Variants in OGG1 observed in about 807,000 individuals in gnomAD.
The protein encoded by OGG1 is 8-oxoguanine DNA glycosylase.
In OGG1, 35 loss-of-function variants were observed where a neutral mutation model predicts 42.3. The observed-to-expected ratio is 0.83, with a 90% CI of 0.63 to 1.10. The LOEUF is 1.10. Among genes scored for constraint, OGG1 ranks in the 50% least tolerant of loss-of-function variants. The pLI is 0.00. For missense variants in OGG1, 484 were observed against 446.7 expected (o/e 1.08, Z -0.75); for synonymous variants, 189 against 179.0 (o/e 1.06, Z -0.44).
At chr3:9,787,425 T>C in intron 3 of OGG1, 1 of 1,508,702 alleles carries the variant, frequency 6.6e-7, no homozygotes, top group Non-Finnish European at 8.9e-7. Context: ...CTATCTTATA[T>C]CTCTCTCAAG....
At chr3:9,784,955 CCACTTGT>C (rs2078572465) in intron 3 of OGG1, among the ~76,000 whole-genome samples, 1 of 152,036 alleles carries the variant, frequency 6.6e-6, no homozygotes, top group South Asian at 2.1e-4. Context: ...AATATTTTCT[CCACTTGT>C]CACTCTATAA....
chr3:9,750,347 G>A lies in OGG1; in HGVS notation c.61G>A (p.Ala21Thr), dbSNP rs1262001121. ...MGHRTLASTP[A>T]LWASIPCPRS... ...GCATCGTACTCTAGCCTCCACTCCTGCCCTGTGGGCCTCCATCCCGTGCCC... is the reference window on the plus strand; with the variant it reads ...GCATCGTACTCTAGCCTCCACTCCTACCCTGTGGGCCTCCATCCCGTGCCC... The change falls in exon 1 of 7, where the codon GCC (alanine) becomes ACC (threonine). Residue 21 changes from alanine (A) to threonine (T), a missense_variant. By Grantham distance (58) the Ala-to-Thr change is moderately conservative (BLOSUM62 0). Coordinates refer to ENST00000344629, the MANE Select transcript of OGG1 (RefSeq NM_002542.6). 3 of 1,613,960 alleles carry A rather than the reference G, an allele frequency of 1.9e-6. No homozygotes were observed. Among genetic ancestry groups the A allele is most frequent in the Admixed American group, 1.7e-5 (1 of 60,026 alleles).
At chr3:9,762,598 C>G (rs1224889680) in intron 7 of OGG1, among the ~76,000 whole-genome samples, 1 of 152,054 alleles carries the variant, frequency 6.6e-6, no homozygotes, top group Non-Finnish European at 1.5e-5. Flanking sequence ...GAACTGACCT[C>G]AGGTGATCCA....
chr3:9,754,159 G>A (rs2077433077), intron 3 of OGG1, among the ~76,000 whole-genome samples: 1 of 152,142 alleles, frequency 6.6e-6, no homozygotes, highest in Non-Finnish European at 1.5e-5. Flanking sequence ...AAAAGCACAG[G>A]TCTTGGTGTC....
At chr3:9,756,181 G>C (rs1198358235) in intron 4 of OGG1, among the ~76,000 whole-genome samples, 1 of 152,202 alleles carries the variant, frequency 6.6e-6, no homozygotes, top group Non-Finnish European at 1.5e-5. Context: ...GCCACACGTG[G>C]TGGCACATGC....
chr3:9,770,783 G>A (rs1460015216), downstream of OGG1, among the ~76,000 whole-genome samples: 2 of 151,720 alleles, frequency 1.3e-5, no homozygotes, highest in East Asian at 1.9e-4. Context: ...ATTTGGTGCC[G>A]AGTGGAAAGA....
intron 3 of OGG1, among the ~76,000 whole-genome samples, chr3:9,784,823 C>A (rs2078567796): frequency 6.7e-6 from 1 of 149,624 alleles, no homozygotes; most frequent in African/African-American, 2.5e-5. Flanking sequence ...AAGATTGCGC[C>A]ATTGCGCTCC....
At chr3:9,757,422 G>T, downstream of OGG1, 2 of 1,609,006 alleles carry the variant, frequency 1.2e-6, no homozygotes, top group South Asian at 1.1e-5. This position sits in a 1 kb window ranked among gnomAD's most constrained non-coding sequence, Gnocchi z 4.5. Flanking sequence ...GTGAGGAGTG[G>T]TAGGGAAGCA....
At chr3:9,754,652 C>T (rs2077452498) in intron 3 of OGG1, 52 bp from the exon 4 acceptor site, 3 of 1,593,072 alleles carry the variant, frequency 1.9e-6, no homozygotes, top group African/African-American at 2.7e-5. Context: ...AGCCTAAGGA[C>T]AGGAAGAACT....
Position 9,754,749 on chromosome 3 carries a change from G to A in OGG1, c.611G>A (p.Arg204His), listed in dbSNP as rs1364272018. The A allele has an allele frequency of 7.4e-6, 12 of 1,614,188 alleles. No homozygotes were observed. Among genetic ancestry groups the A allele is most frequent in the South Asian group, 3.3e-5 (3 of 91,076 alleles). Residue 204 changes from arginine (R) to histidine (H), a missense_variant, in exon 4 of 7, where the codon CGT (arginine) becomes CAT (histidine). Physicochemically the swap from Arg to His is conservative, Grantham distance 29 (BLOSUM62 0). Transcript: ENST00000344629. ...AHLRKLGLGY[R>H]ARYVSASARA... The stretch of plus-strand genomic sequence containing the variant: ...CTCAGGAAGCTGGGCCTGGGCTATC[G>A]TGCCCGTTACGTGAGTGCCAGTGCC...
chr3:9,787,228 A>T, intron 3 of OGG1: 1 of 1,614,198 alleles, frequency 6.2e-7, no homozygotes, highest in Non-Finnish European at 8.5e-7. Flanking sequence ...CAGTGGCCCC[A>T]TGAGGCCTTT....
intron 3 of OGG1, chr3:9,781,717 G>T: frequency 2.4e-6 from 1 of 417,070 alleles, no homozygotes; most frequent in Non-Finnish European, 5.0e-6. Context: ...TCCAGAAGGG[G>T]AAGGAGATGC....
chr3:9,768,286 A>G (rs1023299092), downstream of OGG1, among the ~76,000 whole-genome samples: 5 of 152,106 alleles, frequency 3.3e-5, no homozygotes, highest in Non-Finnish European at 7.4e-5. Flanking sequence ...TCTCAGCCAC[A>G]TTTTTAAATA....
chr3:9,767,246 A>G (rs1575264289), downstream of OGG1, among the ~76,000 whole-genome samples: 1 of 152,254 alleles, frequency 6.6e-6, no homozygotes, highest in Middle Eastern at 3.4e-3. Context: ...GGAGCACAGC[A>G]CACACCCTGT....
At chr3:9,780,288 C>T in intron 2 of OGG1, 5 of 1,502,468 alleles carry the variant, frequency 3.3e-6, no homozygotes, top group Non-Finnish European at 4.5e-6. Context: ...TTTCCTGTGC[C>T]CAAAGAAGGA....
chr3:9,762,987 C>T (rs751877547), intron 7 of OGG1: 2 of 1,614,176 alleles, frequency 1.2e-6, no homozygotes, highest in Non-Finnish European at 8.5e-7. Flanking sequence ...GATGAGGCGG[C>T]TGGCGTCCCG....
chr3:9,767,674 G>C, downstream of OGG1: 1 of 1,614,140 alleles, frequency 6.2e-7, no homozygotes, highest in Non-Finnish European at 8.5e-7. Flanking sequence ...CACGTGCCCA[G>C]AACATCTCGG....
intron 7 of OGG1, chr3:9,763,074 T>C (rs2077964581): frequency 1.2e-6 from 2 of 1,614,036 alleles, no homozygotes; most frequent in Non-Finnish European, 1.7e-6. Flanking sequence ...GATAGGGCAG[T>C]CTGGCAAAGA....
At chr3:9,786,255 G>A (rs2078607559) in intron 3 of OGG1, among the ~76,000 whole-genome samples, 1 of 152,118 alleles carries the variant, frequency 6.6e-6, no homozygotes, top group South Asian at 2.1e-4. Context: ...CTCTTATTCT[G>A]TGGGACTGGA....
Sources: gnomAD v4.1 joint callset for allele counts (sites outside exome capture counted in the v4.1 genomes callset) on GRCh38, gnomAD v4.1.1 for gene constraint, Gnocchi (gnomAD v3.1) non-coding constraint, MANE v1.5 for transcripts, NCBI Gene and HGNC (gene_info 2026-07-23, HGNC 2026-07-21) for gene names.